GALNTL6: variants seen among roughly 807,000 people sequenced by gnomAD.
GALNTL6 encodes the protein polypeptide N-acetylgalactosaminyltransferase-like 6.
A neutral mutation model predicts 73.7 loss-of-function variants in GALNTL6; 46 were observed. That is an observed-to-expected ratio of 0.62 (90% CI 0.49 to 0.80). The LOEUF (loss-of-function observed/expected upper bound fraction) is 0.80, where lower values mean the gene tolerates loss of function less well. Among genes scored for constraint, GALNTL6 ranks in the 30% least tolerant of loss-of-function variants. The pLI is 0.00. For synonymous variants in GALNTL6, 259 were observed against 263.7 expected (o/e 0.98, Z 0.17); for missense variants, 604 against 755.0 (o/e 0.80, Z 2.34).
intron 5 of GALNTL6, among the ~76,000 whole-genome samples, chr4:172,477,037 G>C (rs899794766): frequency 1.0e-4 from 15 of 148,960 alleles, no homozygotes; most frequent in African/African-American, 3.5e-4. Flanking sequence ...CCATTCCCCT[G>C]CCTCAGCCTC....
intron 5 of GALNTL6, among the ~76,000 whole-genome samples, chr4:172,788,385 T>C (rs993176506): frequency 1.3e-5 from 2 of 151,524 alleles, no homozygotes; most frequent in African/African-American, 4.9e-5. Context: ...AATAGATAGA[T>C]AGATGGGCCG....
Position 172,813,676 on chromosome 4 carries a change from C to T in GALNTL6, c.876C>T (p.Ile292=). ...AFDWEMYYKR[I]PIPPELQRAD... ...ACTGGGAAATGTACTACAAAAGAATCCCCATCCCTCCAGAGCTCCAGAGGG... is the reference window on the plus strand; with the variant it reads ...ACTGGGAAATGTACTACAAAAGAATTCCCATCCCTCCAGAGCTCCAGAGGG... Residue 292 remains isoleucine, a synonymous_variant, in exon 7 of 13, where the codon ATC becomes ATT. Coordinates refer to ENST00000506823, the MANE Select transcript of GALNTL6 (RefSeq NM_001034845.3). 2 of 1,612,610 alleles carry T rather than the reference C, an allele frequency of 1.2e-6. No individual in the cohort carries two copies. The highest frequency in any genetic ancestry group is 1.7e-6 in the Non-Finnish European group (2 of 1,178,950).
intron 5 of GALNTL6, among the ~76,000 whole-genome samples, chr4:172,760,116 G>A (rs904960647): frequency 5.9e-5 from 9 of 151,624 alleles, no homozygotes; most frequent in Non-Finnish European, 1.0e-4. Context: ...GATTACAGGC[G>A]TGAGCCACCG....
At chr4:171,855,232 C>A (rs1470337801) in intron 2 of GALNTL6, among the ~76,000 whole-genome samples, 1 of 152,138 alleles carries the variant, frequency 6.6e-6, no homozygotes, top group Non-Finnish European at 1.5e-5. Context: ...TCATACAGAA[C>A]ACTTTCACTG....
At chr4:172,582,079 A>G (rs895453669) in intron 5 of GALNTL6, among the ~76,000 whole-genome samples, 3 of 152,214 alleles carry the variant, frequency 2.0e-5, no homozygotes, top group Non-Finnish European at 4.4e-5. Flanking sequence ...TGTCAGCTAG[A>G]GCATGAGCTC....
At chr4:172,879,174 T>C (rs1275732654) in intron 7 of GALNTL6, among the ~76,000 whole-genome samples, 1 of 151,858 alleles carries the variant, frequency 6.6e-6, no homozygotes, top group East Asian at 1.9e-4. Context: ...TCCAGAATTA[T>C]AGTCATAGAT....
At chr4:172,243,030 A>G (rs1173278178) in intron 3 of GALNTL6, among the ~76,000 whole-genome samples, 2 of 152,014 alleles carry the variant, frequency 1.3e-5, no homozygotes, top group African/African-American at 2.4e-5. Context: ...AATAAATCCA[A>G]CTTTATTCCA....
intron 11 of GALNTL6, among the ~76,000 whole-genome samples, chr4:173,015,523 G>C (rs1192212357): frequency 1.3e-5 from 2 of 152,226 alleles, no homozygotes; most frequent in African/African-American, 4.8e-5. Flanking sequence ...GGTGGTCTCA[G>C]ATGGAGATGA....
At chr4:172,728,580 T>G (rs1735966172) in intron 5 of GALNTL6, among the ~76,000 whole-genome samples, 1 of 152,166 alleles carries the variant, frequency 6.6e-6, no homozygotes, top group Non-Finnish European at 1.5e-5. Context: ...ATTCATCTAC[T>G]GATGGGCACT....
At chr4:172,696,377 G>A (rs1346239379) in intron 5 of GALNTL6, among the ~76,000 whole-genome samples, 1 of 152,076 alleles carries the variant, frequency 6.6e-6, no homozygotes, top group Non-Finnish European at 1.5e-5. Flanking sequence ...AAAGATATCA[G>A]CTTTATTCAC....
At chr4:171,831,450 A>G (rs1442765143) in intron 2 of GALNTL6, among the ~76,000 whole-genome samples, 1 of 151,990 alleles carries the variant, frequency 6.6e-6, no homozygotes, top group African/African-American at 2.4e-5. Flanking sequence ...AATTACATCA[A>G]GCACATTAAT....
intron 3 of GALNTL6, among the ~76,000 whole-genome samples, chr4:172,293,929 T>A (rs184987837): frequency 6.6e-6 from 1 of 151,608 alleles, no homozygotes; most frequent in East Asian, 1.9e-4. Context: ...ACCTTCAACA[T>A]TTGTGATATC....
chr4:172,283,091 A>G (rs2111083581), intron 3 of GALNTL6, among the ~76,000 whole-genome samples: 1 of 152,320 alleles, frequency 6.6e-6, no homozygotes, highest in South Asian at 2.1e-4. Flanking sequence ...GACCATAAGT[A>G]GATAATCCAA....
intron 5 of GALNTL6, among the ~76,000 whole-genome samples, chr4:172,387,155 T>A (rs1170189427): frequency 6.6e-6 from 1 of 152,144 alleles, no homozygotes; most frequent in East Asian, 1.9e-4. Context: ...TAACCTTCTA[T>A]GGGAGTATGG....
chr4:172,706,596 C>T (rs1160126580), intron 5 of GALNTL6, among the ~76,000 whole-genome samples: 2 of 152,100 alleles, frequency 1.3e-5, no homozygotes, highest in Non-Finnish European at 2.9e-5. Flanking sequence ...CAGAGTATGT[C>T]TGTCTGTGCA....
At chr4:172,571,075 C>T (rs969671386) in intron 5 of GALNTL6, among the ~76,000 whole-genome samples, 1 of 152,210 alleles carries the variant, frequency 6.6e-6, no homozygotes, top group Admixed American at 6.5e-5. Context: ...GCTTACCCCC[C>T]AGTGCGTGGC....
At chr4:172,788,365 A>C (rs1034652221) in intron 5 of GALNTL6, among the ~76,000 whole-genome samples, 1 of 151,712 alleles carries the variant, frequency 6.6e-6, no homozygotes, top group Non-Finnish European at 1.5e-5. Context: ...GCAAGACCCT[A>C]TCTCTAAAAA....
intron 5 of GALNTL6, among the ~76,000 whole-genome samples, chr4:172,452,487 A>G (rs967694971): frequency 3.9e-5 from 6 of 152,158 alleles, no homozygotes; most frequent in East Asian, 1.9e-4. Flanking sequence ...AGTCTGTACT[A>G]TATGTTTTAT....
At chr4:172,447,326 T>C (rs1490801124) in intron 5 of GALNTL6, among the ~76,000 whole-genome samples, 1 of 152,162 alleles carries the variant, frequency 6.6e-6, no homozygotes, top group Non-Finnish European at 1.5e-5. Context: ...CCTCAAAGAC[T>C]GAGCTGAATC....
Sources: allele counts gnomAD v4.1 joint callset (sites outside exome capture counted in the v4.1 genomes callset), GRCh38; gene constraint gnomAD v4.1.1; transcripts MANE v1.5; gene names NCBI Gene and HGNC (gene_info 2026-07-23, HGNC 2026-07-21).